DIP2C: variants seen among roughly 807,000 people sequenced by gnomAD.
DIP2C encodes disco-interacting protein 2 homolog C.
A neutral mutation model predicts 192.4 loss-of-function variants in DIP2C; 33 were observed. The ratio of observed to expected loss-of-function variants is 0.17; its 90% CI spans 0.13 to 0.23. The LOEUF (loss-of-function observed/expected upper bound fraction) is 0.23, where lower values mean the gene tolerates loss of function less well. Among genes scored for constraint, DIP2C ranks in the 10% least tolerant of loss-of-function variants. The pLI is 1.00. For missense variants in DIP2C, 1,537 were observed against 2,110.1 expected (o/e 0.73, Z 5.32); for synonymous variants, 979 against 864.1 (o/e 1.13, Z -2.33).
intron 14 of DIP2C, among the ~76,000 whole-genome samples, chr10:386,614 A>C (rs1253301671): frequency 2.0e-5 from 3 of 152,194 alleles, no homozygotes; most frequent in Admixed American, 2.0e-4. Flanking sequence ...ACACGGAAAG[A>C]AGCCAGCCGG....
At chr10:519,991 C>T (rs1040963140) in intron 1 of DIP2C, among the ~76,000 whole-genome samples, 3 of 152,218 alleles carry the variant, frequency 2.0e-5, no homozygotes, top group Non-Finnish European at 4.4e-5. Flanking sequence ...GGGCAGGAAG[C>T]TCCACTCGGA....
intron 1 of DIP2C, among the ~76,000 whole-genome samples, chr10:537,988 C>T (rs1022941866): frequency 3.3e-5 from 5 of 152,080 alleles, no homozygotes; most frequent in Non-Finnish European, 7.3e-5. Flanking sequence ...CAGGGTTTCT[C>T]CATGTTGGCC....
intron 1 of DIP2C, among the ~76,000 whole-genome samples, chr10:493,178 A>C (rs1844572079): frequency 6.6e-6 from 1 of 152,250 alleles, no homozygotes; most frequent in East Asian, 1.9e-4. Context: ...GGAAGATTTA[A>C]ACATGCCAGT....
chr10:438,142 A>G lies in DIP2C; in HGVS notation c.394+2729T>C, dbSNP rs1199696485. Among the ~76,000 whole-genome samples the G allele has an allele frequency of 3.3e-5, 5 of 152,276 alleles. No homozygotes were observed. The East Asian group carries it at 7.7e-4, about 23-fold the overall frequency. On this transcript the variant is annotated intron_variant, in intron 4 of 36. Transcript: ENST00000280886. Reference sequence around the variant, plus strand: ...CAAATCCAAATATTTCACAAAAATAACATTTCAAATATTCTTTTGCATTTT... The same window carrying G: ...CAAATCCAAATATTTCACAAAAATAGCATTTCAAATATTCTTTTGCATTTT...
At chr10:326,970 C>A (rs1564560215) in intron 31 of DIP2C, 36 bp downstream of exon 31, 1 of 1,588,194 alleles carries the variant, frequency 6.3e-7, no homozygotes, top group Admixed American at 1.7e-5. Context: ...GGGAGCCACA[C>A]TTCCCACTCA....
At chr10:684,128 A>G (rs1831230480) in intron 1 of DIP2C, among the ~76,000 whole-genome samples, 1 of 152,242 alleles carries the variant, frequency 6.6e-6, no homozygotes, top group African/African-American at 2.4e-5. Flanking sequence ...CAAGAAAAGA[A>G]CATTCAAATC....
At chr10:631,644 G>A (rs1854526370) in intron 1 of DIP2C, among the ~76,000 whole-genome samples, 1 of 152,096 alleles carries the variant, frequency 6.6e-6, no homozygotes, top group South Asian at 2.1e-4. Context: ...TTTATATAGA[G>A]ACAAATCTTT....
intron 1 of DIP2C, among the ~76,000 whole-genome samples, chr10:675,485 AAAT>A (rs748251671): frequency 6.0e-4 from 92 of 152,246 alleles, no homozygotes; most frequent in South Asian, 6.2e-4. Context: ...AGATGGGAAA[AAAT>A]GTTGGTTTTT....
At chr10:594,866 C>A (rs949548812) in intron 1 of DIP2C, among the ~76,000 whole-genome samples, 3 of 152,182 alleles carry the variant, frequency 2.0e-5, no homozygotes, top group Non-Finnish European at 4.4e-5. Context: ...AAATGATGAG[C>A]CTGATTCGGG....
chr10:279,688 A>C (rs1240440107), intron 36 of DIP2C, among the ~76,000 whole-genome samples: 1 of 152,254 alleles, frequency 6.6e-6, no homozygotes, highest in Non-Finnish European at 1.5e-5. Flanking sequence ...GGAGCAAAGC[A>C]GTTTGTACCT....
At chr10:617,576 C>G (rs1053710745) in intron 1 of DIP2C, among the ~76,000 whole-genome samples, 1 of 152,168 alleles carries the variant, frequency 6.6e-6, no homozygotes, top group Non-Finnish European at 1.5e-5. Context: ...CCACCCACCT[C>G]CCATTGCTCC....
rs116156855 is a variant in DIP2C at position 445,944 on chromosome 10, G to A, written c.269-4948C>T. 6.0e-3 allele frequency among the ~76,000 whole-genome samples: 725 copies of A among 120,360 alleles called. 10 individuals are homozygous for A. Among genetic ancestry groups the A allele is most frequent in the African/African-American group, 0.029 (686 of 23,470 alleles). The allele number at this position is 120,360 out of a possible 152,430, so 79.0% of individuals were successfully genotyped here. On this transcript the variant is annotated intron_variant, in intron 3 of 36. Coordinates refer to ENST00000280886, the MANE Select transcript of DIP2C (RefSeq NM_014974.3). ...GTGAAGTCTCACAGGCCCACTGGGC[G>A]TCTGTATACATCTGTTGTGAAGAGT...
At chr10:675,601 A>G (rs1316159236) in intron 1 of DIP2C, among the ~76,000 whole-genome samples, 2 of 152,158 alleles carry the variant, frequency 1.3e-5, no homozygotes, top group Non-Finnish European at 2.9e-5. Context: ...TACAATTGAT[A>G]CCACAGAAAT....
intron 17 of DIP2C, among the ~76,000 whole-genome samples, chr10:379,723 A>G (rs1962154908): frequency 6.6e-6 from 1 of 152,154 alleles, no homozygotes; most frequent in South Asian, 2.1e-4. Context: ...ATTCTACTGC[A>G]GATAATCGTT....
At chr10:598,703 C>T (rs1851870369) in intron 1 of DIP2C, among the ~76,000 whole-genome samples, 1 of 152,186 alleles carries the variant, frequency 6.6e-6, no homozygotes, top group African/African-American at 2.4e-5. Flanking sequence ...AAAATCCACA[C>T]CGTGGCTTGT....
At chr10:334,858 G>T (rs190672409) in intron 29 of DIP2C, among the ~76,000 whole-genome samples, 1 of 152,284 alleles carries the variant, frequency 6.6e-6, no homozygotes, top group Non-Finnish European at 1.5e-5. Context: ...AATCAGGAAT[G>T]AGAAGTTCTG....
chr10:341,114 T>G, intron 29 of DIP2C, 85 bp downstream of exon 29: 1 of 1,588,952 alleles, frequency 6.3e-7, no homozygotes, highest in Non-Finnish European at 8.6e-7. Context: ...GTGGGGGCAG[T>G]GCTTAGGTTG....
At chr10:435,269 T>A (rs989133812) in intron 4 of DIP2C, among the ~76,000 whole-genome samples, 5 of 152,210 alleles carry the variant, frequency 3.3e-5, no homozygotes, top group African/African-American at 1.2e-4. Context: ...ACCAGGTTAG[T>A]CTCTAGTTAA....
intron 17 of DIP2C, among the ~76,000 whole-genome samples, chr10:373,327 C>A (rs1402554288): frequency 6.6e-6 from 1 of 152,184 alleles, no homozygotes; most frequent in Non-Finnish European, 1.5e-5. Context: ...CAATCCTATG[C>A]CCCACAAATA....
Sources: allele counts gnomAD v4.1 joint callset (sites outside exome capture counted in the v4.1 genomes callset), GRCh38; gene constraint gnomAD v4.1.1; transcripts MANE v1.5; gene names NCBI Gene and HGNC (gene_info 2026-07-23, HGNC 2026-07-21).